The following TBCD variants were observed in gnomAD, a reference collection of about 807,000 sequenced individuals.
TBCD encodes the protein tubulin-specific chaperone D.
A neutral mutation model predicts 169.3 loss-of-function variants in TBCD; 105 were observed. The observed-to-expected ratio is 0.62, with a 90% CI of 0.53 to 0.73. TBCD has a LOEUF of 0.73. Among genes scored for constraint, TBCD ranks in the 30% least tolerant of loss-of-function variants. The pLI, the probability that TBCD is intolerant of heterozygous loss-of-function variation, is 0.00. For synonymous variants in TBCD, 700 were observed against 643.9 expected, an observed-to-expected ratio of 1.09 and a Z score of -1.32; for missense variants, 1,444 against 1,600.1, an observed-to-expected ratio of 0.90 and a Z score of 1.66.
At chr17:82,829,352 T>G (rs2053267357) in intron 13 of TBCD, 1 of 155,038 alleles carries the variant, frequency 6.5e-6, no homozygotes, top group Middle Eastern at 5.2e-4. Flanking sequence ...CACAATTGAA[T>G]GTGCATACAC....
rs1255643635 is a variant in TBCD at position 82,835,168 on chromosome 17, T to C, written c.1318+20234T>C. On this transcript the variant is annotated intron_variant, in intron 13 of 38. Transcript: ENST00000355528. The surrounding 1 kb of genome is among the most constrained non-coding windows in gnomAD (Gnocchi z 4.5). ...CCATTCTTGAGTCTGTGAGGTTTTA[T>C]GTGTAGACATCAGGGTGGCTAAAAG... Among the ~76,000 whole-genome samples, 4 of 152,322 alleles carry C rather than the reference T, an allele frequency of 2.6e-5. No individual in the cohort carries two copies. The highest frequency in any genetic ancestry group is 5.9e-5 in the Non-Finnish European group (4 of 68,028).
rs1259323426 is a variant in TBCD at position 82,848,013 on chromosome 17, C to G, written c.1319-22211C>G. On this transcript the variant is annotated intron_variant, in intron 13 of 38. Transcript: ENST00000355528. ...AGAGCAAACGGCCCCTGTCTGTTGC[C>G]CCTTTTTCCTACCAAGGCCCCTCCA... Among the ~76,000 whole-genome samples the G allele has an allele frequency of 3.9e-5, 6 of 152,300 alleles. No homozygotes were observed. In the South Asian group the frequency reaches 1.0e-3, roughly 26 times the overall value.
At chr17:82,847,196 A>G (rs2055210873) in intron 13 of TBCD, among the ~76,000 whole-genome samples, 1 of 151,666 alleles carries the variant, frequency 6.6e-6, no homozygotes, top group Admixed American at 6.6e-5. Flanking sequence ...CTAAAAATAC[A>G]CAAAAAATTA....
At chr17:82,760,834 G>A (rs909163872) in intron 2 of TBCD, among the ~76,000 whole-genome samples, 7 of 152,194 alleles carry the variant, frequency 4.6e-5, no homozygotes, top group South Asian at 4.1e-4. Context: ...CTCTGGGTTT[G>A]TGTGTATTCA....
intron 13 of TBCD, chr17:82,830,095 G>A (rs1363042904): frequency 4.3e-6 from 7 of 1,610,644 alleles, no homozygotes; most frequent in Non-Finnish European, 5.1e-6. Flanking sequence ...CACCTTGGAA[G>A]GCGTGTGTGT....
intron 2 of TBCD, 56 bp downstream of exon 2, chr17:82,756,271 T>G: frequency 6.6e-7 from 1 of 1,512,962 alleles, no homozygotes; most frequent in Non-Finnish European, 9.1e-7. Context: ...CACGGAGGCC[T>G]TGGTGTGTGG....
Position 82,929,236 on chromosome 17 carries a change from G to A in TBCD, c.2817G>A (p.Val939=). The part of the protein sequence containing the change: ...LHFDSPPIPH[V]PHRGELEKLF... ...TTGACAGCCCTCCCATCCCCCACGT[G>A]CCCCACCGAGGAGAACTGGAAAAGC... is the stretch of plus-strand genomic sequence containing the variant. The change falls in exon 31 of 39, where the codon GTG becomes GTA. Residue 939 remains valine, a synonymous_variant. Transcript: ENST00000355528. The A allele has an allele frequency of 1.9e-6, 3 of 1,613,810 alleles. No homozygotes were observed. The highest frequency in any genetic ancestry group is 2.5e-6 in the Non-Finnish European group (3 of 1,179,872).
At chr17:82,868,776 A>G (rs2057360324) in intron 13 of TBCD, among the ~76,000 whole-genome samples, 1 of 152,230 alleles carries the variant, frequency 6.6e-6, no homozygotes, top group Admixed American at 6.5e-5. Context: ...AATGTATCTG[A>G]TGACAGTTGC....
chr17:82,813,841 C>A (rs756852249), intron 12 of TBCD, among the ~76,000 whole-genome samples: 1 of 152,128 alleles, frequency 6.6e-6, no homozygotes, highest in Non-Finnish European at 1.5e-5. Context: ...CTGAGGAGCC[C>A]GCTGGTGGAC....
At chr17:82,912,569 G>T (rs1341627677) in intron 23 of TBCD, among the ~76,000 whole-genome samples, 1 of 152,216 alleles carries the variant, frequency 6.6e-6, no homozygotes, top group Non-Finnish European at 1.5e-5. Context: ...CCTCGCTGTG[G>T]GACTGTGAGT....
rs571066737 is a variant in TBCD, at chr17:82,861,300, C to T, written c.1319-8924C>T. ...GCCGCAGGTCCCCGTGAGTCTGGGC[C>T]GTGTGCCTGGCGAGCCCTGAATTCC... On this transcript the variant is annotated intron_variant, in intron 13 of 38. Coordinates refer to ENST00000355528, the MANE Select transcript of TBCD (RefSeq NM_005993.5). Among the ~76,000 whole-genome samples, 6 of 152,238 alleles carry T rather than the reference C, an allele frequency of 3.9e-5. No individual in the cohort carries two copies. The East Asian group carries it at 7.7e-4, about 20-fold the overall frequency.
intron 13 of TBCD, among the ~76,000 whole-genome samples, chr17:82,866,308 A>G (rs939669452): frequency 6.6e-6 from 1 of 152,186 alleles, no homozygotes; most frequent in Admixed American, 6.5e-5. Flanking sequence ...ACCCCAGGGT[A>G]TAGCAGCACC....
chr17:82,787,445 CAG>C (rs2049399452), intron 7 of TBCD, among the ~76,000 whole-genome samples: 1 of 152,232 alleles, frequency 6.6e-6, no homozygotes, highest in Non-Finnish European at 1.5e-5. Flanking sequence ...CGAGTCTTTC[CAG>C]AGTCATGTGT....
chr17:82,935,073 A>AATT (rs112454895), intron 34 of TBCD, among the ~76,000 whole-genome samples: 75,886 of 150,870 alleles, frequency 0.5, 19,196 homozygotes, highest in East Asian at 0.65. Context: ...CAAAAAAAAA[A>AATT]TTTTTTTTCC....
rs778266379 is a variant in TBCD at position 82,920,514 on chromosome 17, G to A, written c.2039-42G>A. ...CAAGCCGCTGTGGCAGGCGCTTTTA[G>A]AAAAGTAACATTGCGTCTATCCTTT... On this transcript the variant is annotated intron_variant, in intron 23 of 38. Transcript: ENST00000355528. This position sits in a 1 kb window ranked among gnomAD's most constrained non-coding sequence, Gnocchi z 4.1. The A allele has an allele frequency of 2.9e-5, 44 of 1,512,152 alleles. No homozygotes were observed. The highest frequency in any genetic ancestry group is 2.2e-4 in the Middle Eastern group (1 of 4,608). 93.7% of individuals were successfully genotyped at this position (1,512,152 alleles called of 1,614,324 possible).
chr17:82,878,781 G>C (rs1356881955), intron 14 of TBCD, among the ~76,000 whole-genome samples: 1 of 152,096 alleles, frequency 6.6e-6, no homozygotes, highest in East Asian at 1.9e-4. Context: ...CTTGTTGTGT[G>C]GTCTGGTGGT....
Position 82,797,848 on chromosome 17 carries a change from C to G in TBCD, c.817+46C>G, listed in dbSNP as rs767857698. ...ACGATATCTTTGTGATGTGAGTTTG[C>G]TCATATACAATCAAGTGTCTTTCCT... is the stretch of plus-strand genomic sequence containing the variant. On this transcript the variant is annotated intron_variant, in intron 8 of 38. Coordinates refer to ENST00000355528, the MANE Select transcript of TBCD (RefSeq NM_005993.5). The G allele has an allele frequency of 2.1e-6, 3 of 1,428,594 alleles. No homozygotes were observed. In the African/African-American group the frequency reaches 4.4e-5, roughly 21 times the overall value. 88.5% of individuals were successfully genotyped at this position (1,428,594 alleles called of 1,614,324 possible). A position where few individuals can be genotyped will look rare whatever the true frequency, so the allele number is the denominator to read the frequency against.
chr17:82,829,260 C>A (rs936652859), intron 13 of TBCD, among the ~76,000 whole-genome samples: 2 of 151,436 alleles, frequency 1.3e-5, no homozygotes, highest in East Asian at 3.9e-4. Flanking sequence ...CAAGCAGACA[C>A]CTACACGCAC....
chr17:82,927,355 C>T, intron 29 of TBCD, 32 bp downstream of exon 29: 1 of 1,604,276 alleles, frequency 6.2e-7, no homozygotes, highest in Non-Finnish European at 8.5e-7. Context: ...AGCGCTTCTT[C>T]TGAGAAGCCC....
Sources: gnomAD v4.1 joint callset for allele counts (sites outside exome capture counted in the v4.1 genomes callset) on GRCh38, gnomAD v4.1.1 for gene constraint, Gnocchi (gnomAD v3.1) non-coding constraint, MANE v1.5 for transcripts, NCBI Gene and HGNC (gene_info 2026-07-23, HGNC 2026-07-21) for gene names.